Variants in ANKRD11 observed in about 807,000 individuals in gnomAD.
ANKRD11 encodes ankyrin repeat domain 11, also known as ankyrin repeat domain-containing protein 11.
Under a neutral mutation model 195.7 loss-of-function variants are expected in ANKRD11, and 17 were observed. The ratio of observed to expected loss-of-function variants is 0.09; its 90% confidence interval spans 0.06 to 0.13. The LOEUF (loss-of-function observed/expected upper bound fraction) is 0.13, where lower values mean the gene tolerates loss of function less well. Among genes scored for constraint, ANKRD11 ranks in the 10% least tolerant of loss-of-function variants. ANKRD11 has a pLI of 1.00. For missense variants in ANKRD11, 3,735 were observed against 3,566.1 expected (o/e 1.05, Z -1.21); for synonymous variants, 1,953 against 1,528.1 (o/e 1.28, Z -6.49).
At chr16:89,302,745 A>G (rs1418886582) in intron 4 of ANKRD11, among the ~76,000 whole-genome samples, 1 of 152,222 alleles carries the variant, frequency 6.6e-6, no homozygotes, top group Non-Finnish European at 1.5e-5. Context: ...TCTTTTTGTT[A>G]CAATCCTTGC....
rs574087932 is a variant in ANKRD11, at chr16:89,290,301, G to A, written c.601+324C>T. ...AGGCTCAGGGCTCCAGCCGGGGGAG[G>A]CTCAGGGCTCCAATGGGGGGAGGCT... On this transcript the variant is annotated intron_variant, in intron 6 of 12. Transcript: ENST00000301030. Among the ~76,000 whole-genome samples, 247 of 117,170 alleles carry A rather than the reference G, an allele frequency of 2.1e-3. 7 individuals carry two copies. The highest frequency in any genetic ancestry group is 8.3e-3 in the African/African-American group (238 of 28,774). 76.9% of individuals were successfully genotyped at this position (117,170 alleles called of 152,430 possible).
intron 2 of ANKRD11, among the ~76,000 whole-genome samples, chr16:89,341,924 C>T (rs568431716): frequency 1.3e-5 from 2 of 151,216 alleles, no homozygotes; most frequent in African/African-American, 4.9e-5. Flanking sequence ...CGGCCCACGG[C>T]GGGAGTGCTG....
At chr16:89,465,070 G>C (rs2056837333) in intron 1 of ANKRD11, among the ~76,000 whole-genome samples, 1 of 152,206 alleles carries the variant, frequency 6.6e-6, no homozygotes, top group South Asian at 2.1e-4. Context: ...TCTAATTTCA[G>C]TGTTAGTAAT....
chr16:89,457,845 C>G (rs1325913653), intron 1 of ANKRD11, among the ~76,000 whole-genome samples: 1 of 152,308 alleles, frequency 6.6e-6, no homozygotes, highest in East Asian at 1.9e-4. Flanking sequence ...ATAAACATCA[C>G]TGAAGAAATC....
chr16:89,396,117 T>C (rs958831304), intron 2 of ANKRD11: 1 of 152,168 alleles, frequency 6.6e-6, no homozygotes, highest in African/African-American at 2.4e-5. Context: ...CAACAACTTG[T>C]TGTCAATGTG....
In ANKRD11 at chr16:89,282,558, T is replaced by G. The variant is rs1597453724; in HGVS notation, c.3984A>C (p.Pro1328=). Residue 1328 remains proline (P), a synonymous_variant, in exon 9 of 13, where the codon CCA becomes CCC. Transcript: ENST00000301030. The part of the protein sequence containing the change: ...TAFLEVSFTE[P]PGDDKPRESA... ...TCTCCCTCGGCTTGTCGTCTCCAGGTGGCTCCGTGAAAGAGACCTCCAGGA... is the reference window on the plus strand; with the variant it reads ...TCTCCCTCGGCTTGTCGTCTCCAGGGGGCTCCGTGAAAGAGACCTCCAGGA... The G allele has an allele frequency of 6.2e-7, 1 of 1,614,064 alleles. No homozygotes were observed. The highest frequency in any genetic ancestry group is 8.5e-7 in the Non-Finnish European group (1 of 1,179,966).
intron 11 of ANKRD11, 178 bp downstream of exon 11, chr16:89,274,636 C>A: frequency 1.1e-6 from 1 of 939,706 alleles, no homozygotes; most frequent in Non-Finnish European, 1.6e-6. Flanking sequence ...CTGCAGCCTT[C>A]TTGGCTCCTT....
chr16:89,279,760 T>G lies in ANKRD11; in HGVS notation c.6782A>C (p.Glu2261Ala). ...ACAGAGGGACGCGGCGGGGGGGCCT[T>G]CAGCCTCAGCCCCCTGGTCTCCGCT... ...LGSGDQGAEAEGPPAASLCAP... is the reference protein window; with the variant it reads ...LGSGDQGAEAAGPPAASLCAP... Residue 2261 changes from glutamate to alanine, a missense_variant, in exon 9 of 13, where the codon GAA (glutamate) becomes GCA (alanine). Glu to Ala is a moderately radical substitution (Grantham distance 107). Transcript: ENST00000301030. The surrounding 1 kb of genome is among the most constrained non-coding windows in gnomAD (Gnocchi z 5.6). 1 of 1,523,814 alleles carries G rather than the reference T, an allele frequency of 6.6e-7. No individual in the cohort carries two copies. Among genetic ancestry groups the G allele is most frequent in the Non-Finnish European group, 8.8e-7 (1 of 1,138,682 alleles). 94.4% of individuals were successfully genotyped at this position (1,523,814 alleles called of 1,614,324 possible). A position where few individuals can be genotyped will look rare whatever the true frequency, so the allele number is the denominator to read the frequency against.
chr16:89,317,729 G>C (rs918610463), intron 2 of ANKRD11, among the ~76,000 whole-genome samples: 3 of 152,208 alleles, frequency 2.0e-5, no homozygotes, highest in African/African-American at 7.2e-5. Context: ...CAGGAAATCC[G>C]AGGACACATA....
intron 2 of ANKRD11, among the ~76,000 whole-genome samples, chr16:89,342,381 T>C (rs2038733136): frequency 6.6e-6 from 1 of 152,144 alleles, no homozygotes; most frequent in South Asian, 2.1e-4. Flanking sequence ...TCCCCAGAGA[T>C]GTTGAGGCCT....
intron 2 of ANKRD11, among the ~76,000 whole-genome samples, chr16:89,385,533 T>C (rs2040870714): frequency 6.6e-6 from 1 of 151,678 alleles, no homozygotes; most frequent in Non-Finnish European, 1.5e-5. Context: ...GGTATCCCTG[T>C]GTCAGAGCCT....
chr16:89,453,223 A>G (rs2056274720), intron 1 of ANKRD11, among the ~76,000 whole-genome samples: 1 of 152,056 alleles, frequency 6.6e-6, no homozygotes, highest in South Asian at 2.1e-4. Context: ...TTTCTTAGAT[A>G]CTCACTACTT....
intron 2 of ANKRD11, among the ~76,000 whole-genome samples, chr16:89,401,217 C>G (rs1395222767): frequency 2.0e-5 from 3 of 151,794 alleles, no homozygotes; most frequent in African/African-American, 7.3e-5. Flanking sequence ...CCTCAGCCTT[C>G]CAAGACGGCC....
intron 2 of ANKRD11, among the ~76,000 whole-genome samples, chr16:89,355,490 T>G (rs1281919339): frequency 6.6e-6 from 1 of 152,136 alleles, no homozygotes; most frequent in Non-Finnish European, 1.5e-5. Context: ...CATTTCAAAG[T>G]GCTCCTCAGG....
chr16:89,337,076 T>C (rs2038399976), intron 2 of ANKRD11, among the ~76,000 whole-genome samples: 2 of 150,324 alleles, frequency 1.3e-5, no homozygotes, highest in African/African-American at 2.5e-5. Context: ...GTCCCAGCTA[T>C]TTGGGAGGCT....
At chr16:89,422,986 C>A (rs2042574621) in intron 1 of ANKRD11, among the ~76,000 whole-genome samples, 5 of 152,200 alleles carry the variant, frequency 3.3e-5, no homozygotes, top group Admixed American at 3.3e-4. Flanking sequence ...ATGAGCAATT[C>A]TTTCTGTCCA....
intron 1 of ANKRD11, among the ~76,000 whole-genome samples, chr16:89,474,901 A>G (rs1441869400): frequency 6.6e-6 from 1 of 152,230 alleles, no homozygotes; most frequent in Non-Finnish European, 1.5e-5. Context: ...TCAAACGCAA[A>G]TTTGTGCTGA....
intron 2 of ANKRD11, among the ~76,000 whole-genome samples, chr16:89,391,090 C>T (rs996269098): frequency 2.6e-5 from 4 of 151,860 alleles, no homozygotes; most frequent in Admixed American, 6.6e-5. Flanking sequence ...TAGCCGGGCG[C>T]GGTGGTGGGC....
At chr16:89,377,291 T>C (rs927212019) in intron 2 of ANKRD11, among the ~76,000 whole-genome samples, 1 of 152,054 alleles carries the variant, frequency 6.6e-6, no homozygotes, top group African/African-American at 2.4e-5. Context: ...GAGAGCATCA[T>C]GAGTGTCTGG....
Sources: gnomAD v4.1 joint callset for allele counts (sites outside exome capture counted in the v4.1 genomes callset) on GRCh38, gnomAD v4.1.1 for gene constraint, Gnocchi (gnomAD v3.1) non-coding constraint, MANE v1.5 for transcripts, NCBI Gene and HGNC (gene_info 2026-07-23, HGNC 2026-07-21) for gene names.